KDM4C: variants seen among roughly 807,000 people sequenced by gnomAD.
KDM4C encodes the protein lysine demethylase 4C.
KDM4C carries 81 observed loss-of-function variants against 129.3 expected under a neutral mutation model. The observed-to-expected ratio is 0.63, with a 90% CI of 0.52 to 0.75. The LOEUF is 0.75. KDM4C is among the 30% of genes least tolerant of loss of function. KDM4C has a pLI of 0.00. For synonymous variants in KDM4C, 573 were observed against 456.1 expected (o/e 1.26, Z -3.26); for missense variants, 1,457 against 1,304.0 (o/e 1.12, Z -1.81).
At chr9:6,887,929 A>C in intron 6 of KDM4C, 31 bp from the exon 7 acceptor site, 5 of 1,185,752 alleles carry the variant, frequency 4.2e-6, no homozygotes, top group Non-Finnish European at 6.3e-6. Context: ...TAATCGACAC[A>C]GTGCCACTTA....
intron 8 of KDM4C, among the ~76,000 whole-genome samples, chr9:6,908,315 A>C (rs1232645291): frequency 6.6e-6 from 1 of 152,174 alleles, no homozygotes. Context: ...CAAACTGTTA[A>C]TGTGTTTAAT....
rs1227259231 is a variant in KDM4C, at chr9:6,984,251, C to T, written c.1201C>T (p.Pro401Ser). 1.9e-6 allele frequency: 3 copies of T among 1,613,840 alleles called. No individual in the cohort carries two copies. The highest frequency in any genetic ancestry group is 1.7e-5 in the Admixed American group (1 of 59,982). The change falls in exon 10 of 22, where the codon CCT becomes TCT. Residue 401 changes from proline to serine, a missense_variant. By Grantham distance (74) the Pro-to-Ser change is moderately conservative. Transcript: ENST00000381309. ...VSDEVDGAEV[P>S]NPDSVTDDLK... ...AGATGAAGTCGATGGGGCAGAGGTC[C>T]CTAACCCCGACTCAGTCACAGATGA...
chr9:7,044,608 G>T (rs1221132340), intron 15 of KDM4C, among the ~76,000 whole-genome samples: 1 of 151,928 alleles, frequency 6.6e-6, no homozygotes, highest in Non-Finnish European at 1.5e-5. Context: ...AGAATGGATG[G>T]TAGGCACCAA....
At chr9:7,002,967 T>G (rs1821001378) in intron 12 of KDM4C, among the ~76,000 whole-genome samples, 1 of 152,218 alleles carries the variant, frequency 6.6e-6, no homozygotes, top group African/African-American at 2.4e-5. Context: ...TTCAAGTGAT[T>G]CTCCTGTCTC....
chr9:6,908,431 G>A (rs1818708654), intron 8 of KDM4C, among the ~76,000 whole-genome samples: 1 of 152,190 alleles, frequency 6.6e-6, no homozygotes, highest in African/African-American at 2.4e-5. Flanking sequence ...AAGCTGACAA[G>A]TAGCAGTGTG....
At chr9:7,040,381 G>GTT (rs1554712825) in intron 15 of KDM4C, among the ~76,000 whole-genome samples, 1 of 140,572 alleles carries the variant, frequency 7.1e-6, no homozygotes. Flanking sequence ...GTGTGTGTGT[G>GTT]TGTGTGTGTG....
At chr9:6,860,555 C>A (rs771644477) in intron 5 of KDM4C, among the ~76,000 whole-genome samples, 3 of 152,050 alleles carry the variant, frequency 2.0e-5, no homozygotes, top group Non-Finnish European at 4.4e-5. Context: ...TACAACCAAC[C>A]CCCATGACAT....
intron 17 of KDM4C, among the ~76,000 whole-genome samples, chr9:7,055,270 T>C (rs1830718383): frequency 6.6e-6 from 1 of 152,212 alleles, no homozygotes; most frequent in South Asian, 2.1e-4. Context: ...TTGGTTTCTA[T>C]GTCTTTAGAC....
intron 1 of KDM4C, among the ~76,000 whole-genome samples, chr9:6,792,346 A>G (rs756226802): frequency 1.3e-4 from 20 of 150,494 alleles, no homozygotes. Flanking sequence ...GTCTCAAAAA[A>G]AAAATTTTTA....
chr9:7,031,138 A>G lies in KDM4C; in HGVS notation c.2259+15209A>G, dbSNP rs144115915. 3.8e-3 allele frequency among the ~76,000 whole-genome samples: 384 copies of G among 101,474 alleles called. 1 individual carries two copies. Among genetic ancestry groups the G allele is most frequent in the African/African-American group, 0.013 (275 of 21,798 alleles). The allele number at this position is 101,474 out of a possible 152,430, so 66.6% of individuals were successfully genotyped here. ...TGTCCTTTATTTTACTTGTTTATTTATTTATTTATTTATTTATTTATTTAT... is the reference window on the plus strand; with the variant it reads ...TGTCCTTTATTTTACTTGTTTATTTGTTTATTTATTTATTTATTTATTTAT... On this transcript the variant is annotated intron_variant, in intron 15 of 21. Transcript: ENST00000381309.
chr9:6,866,675 G>C (rs1182102204), intron 5 of KDM4C, among the ~76,000 whole-genome samples: 2 of 152,132 alleles, frequency 1.3e-5, no homozygotes, highest in Non-Finnish European at 1.5e-5. Context: ...TGGTGGGAAA[G>C]CTGGTTGTCC....
intron 8 of KDM4C, among the ~76,000 whole-genome samples, chr9:6,911,540 A>T (rs1481952325): frequency 1.3e-5 from 2 of 152,230 alleles, no homozygotes; most frequent in African/African-American, 4.8e-5. Flanking sequence ...AATAGTTGAA[A>T]TTCATGCCTG....
intron 1 of KDM4C, among the ~76,000 whole-genome samples, chr9:6,790,295 C>T (rs1308506899): frequency 6.6e-6 from 1 of 150,924 alleles, no homozygotes; most frequent in Admixed American, 6.6e-5. Context: ...AGATGGAGTG[C>T]AGTGGCGTGA....
chr9:7,033,188 G>C (rs1320550151), intron 15 of KDM4C, among the ~76,000 whole-genome samples: 1 of 151,214 alleles, frequency 6.6e-6, no homozygotes, highest in Non-Finnish European at 1.5e-5. Context: ...TCAAGACCAG[G>C]TGATGAGAGG....
chr9:6,890,167 CAT>C (rs1265334355), intron 7 of KDM4C, among the ~76,000 whole-genome samples: 2 of 152,222 alleles, frequency 1.3e-5, no homozygotes, highest in East Asian at 1.9e-4. Context: ...GATAGCGTAA[CAT>C]ATGATAGGGC....
intron 21 of KDM4C, chr9:7,170,261 A>T (rs759107966): frequency 6.5e-5 from 72 of 1,113,774 alleles, no homozygotes; most frequent in Non-Finnish European, 7.7e-5. Flanking sequence ...TCAGGAGTAG[A>T]TCAAAGGGGA....
At chr9:6,756,190 C>G (rs976268282), upstream of KDM4C, among the ~76,000 whole-genome samples, 1 of 152,162 alleles carries the variant, frequency 6.6e-6, no homozygotes, top group Non-Finnish European at 1.5e-5. Context: ...TCAGTTTCCA[C>G]ATCTGTAACA....
chr9:6,910,323 A>C (rs1563798488), intron 8 of KDM4C, among the ~76,000 whole-genome samples: 1 of 152,198 alleles, frequency 6.6e-6, no homozygotes, highest in Non-Finnish European at 1.5e-5. Flanking sequence ...TGTCAGGCAT[A>C]AGGCTGAACT....
At chr9:6,797,902 T>TCTTCC (rs1022914455) in intron 2 of KDM4C, among the ~76,000 whole-genome samples, 2 of 152,230 alleles carry the variant, frequency 1.3e-5, no homozygotes, top group Non-Finnish European at 2.9e-5. Flanking sequence ...ATATTCTGTT[T>TCTTCC]TGATATAATC....
Sources: allele counts gnomAD v4.1 joint callset (sites outside exome capture counted in the v4.1 genomes callset), GRCh38; gene constraint gnomAD v4.1.1; transcripts MANE v1.5; gene names NCBI Gene and HGNC (gene_info 2026-07-23, HGNC 2026-07-21).